ROR1: variants seen among roughly 807,000 people sequenced by gnomAD.
ROR1 encodes the protein inactive tyrosine-protein kinase transmembrane receptor ROR1.
Under a neutral mutation model 78.8 loss-of-function variants are expected in ROR1, and 19 were observed. The ratio of observed to expected loss-of-function variants is 0.24; its 90% CI spans 0.17 to 0.35. The LOEUF is 0.35. Among genes scored for constraint, ROR1 ranks in the 10% least tolerant of loss-of-function variants. ROR1 has a pLI of 1.00. For synonymous variants in ROR1, 386 were observed against 433.6 expected (o/e 0.89, Z 1.36); for missense variants, 917 against 1,177.8 (o/e 0.78, Z 3.24).
At chr1:63,876,907 GA>G (rs75588078) in intron 1 of ROR1, among the ~76,000 whole-genome samples, 9,021 of 151,126 alleles carry the variant, frequency 0.06, 677 homozygotes, top group African/African-American at 0.17. Context: ...TGAGTTGCCA[GA>G]AAAAAAATAA....
intron 1 of ROR1, among the ~76,000 whole-genome samples, chr1:63,848,584 C>G (rs927562387): frequency 2.6e-5 from 4 of 152,190 alleles, no homozygotes; most frequent in Middle Eastern, 3.4e-3. Flanking sequence ...GTGGTACTTT[C>G]TAAAATTATT....
At chr1:64,115,523 C>T (rs1399257320) in intron 4 of ROR1, among the ~76,000 whole-genome samples, 1 of 151,738 alleles carries the variant, frequency 6.6e-6, no homozygotes, top group Non-Finnish European at 1.5e-5. Flanking sequence ...CTTATATATG[C>T]CTCAGTTTAC....
At chr1:63,823,720 T>C (rs1043267470) in intron 1 of ROR1, among the ~76,000 whole-genome samples, 1 of 152,120 alleles carries the variant, frequency 6.6e-6, no homozygotes, top group Non-Finnish European at 1.5e-5. Context: ...CCCAAAGTGT[T>C]GGAATTACAG....
At chr1:63,970,761 C>T (rs1281808289) in intron 1 of ROR1, among the ~76,000 whole-genome samples, 3 of 152,200 alleles carry the variant, frequency 2.0e-5, no homozygotes, top group African/African-American at 4.8e-5. Context: ...CTCCCAACAA[C>T]GCTATGAGCA....
chr1:63,915,267 A>T (rs1645600372), intron 1 of ROR1, among the ~76,000 whole-genome samples: 1 of 152,082 alleles, frequency 6.6e-6, no homozygotes, highest in Non-Finnish European at 1.5e-5. Context: ...CGTGAGGGAG[A>T]CCTGGTCTTT....
intron 4 of ROR1, among the ~76,000 whole-genome samples, chr1:64,088,167 G>A (rs1325258174): frequency 1.3e-5 from 2 of 152,102 alleles, no homozygotes; most frequent in Non-Finnish European, 2.9e-5. Flanking sequence ...ACCAATTATT[G>A]CTTTTCAGTA....
chr1:64,054,150 C>T (rs1445684342), intron 4 of ROR1, among the ~76,000 whole-genome samples: 1 of 152,156 alleles, frequency 6.6e-6, no homozygotes, highest in Non-Finnish European at 1.5e-5. Context: ...GATGGGGTTT[C>T]TCCATGTTGG....
At chr1:64,059,929 C>G (rs1646904040) in intron 4 of ROR1, among the ~76,000 whole-genome samples, 1 of 152,072 alleles carries the variant, frequency 6.6e-6, no homozygotes. Flanking sequence ...ACGGTTACCA[C>G]AGAACTTGAG....
At chr1:63,969,879 G>C (rs1005566735) in intron 1 of ROR1, among the ~76,000 whole-genome samples, 4 of 151,992 alleles carry the variant, frequency 2.6e-5, no homozygotes, top group Admixed American at 2.0e-4. Context: ...CTCCTGCCTG[G>C]CTGCCCACTG....
chr1:63,851,176 C>T (rs910023221), intron 1 of ROR1, among the ~76,000 whole-genome samples: 1 of 152,142 alleles, frequency 6.6e-6, no homozygotes, highest in African/African-American at 2.4e-5. Flanking sequence ...GACGGGGTTT[C>T]ACCATGTTGG....
intron 1 of ROR1, among the ~76,000 whole-genome samples, chr1:63,972,955 C>T (rs1260717792): frequency 6.6e-6 from 1 of 152,212 alleles, no homozygotes; most frequent in African/African-American, 2.4e-5. Context: ...CACTAACCTC[C>T]TTGAAATGCT....
intron 4 of ROR1, among the ~76,000 whole-genome samples, chr1:64,083,190 T>C (rs1647118167): frequency 6.6e-6 from 1 of 152,128 alleles, no homozygotes; most frequent in African/African-American, 2.4e-5. Context: ...GGGAAGTTAT[T>C]GAAAAAGTAG....
At chr1:63,802,994 A>G (rs1305074555) in intron 1 of ROR1, among the ~76,000 whole-genome samples, 1 of 152,210 alleles carries the variant, frequency 6.6e-6, no homozygotes, top group Non-Finnish European at 1.5e-5. Context: ...TCTTCTTGTG[A>G]TATTTTGCAC....
At chr1:64,051,185 C>T (rs895572170) in intron 4 of ROR1, among the ~76,000 whole-genome samples, 1 of 152,108 alleles carries the variant, frequency 6.6e-6, no homozygotes, top group African/African-American at 2.4e-5. Flanking sequence ...GGCGCGGTGG[C>T]TCATGCCTGT....
chr1:64,009,415 G>T (rs770589523), intron 2 of ROR1, 39 bp downstream of exon 2: 2 of 1,476,026 alleles, frequency 1.4e-6, no homozygotes, highest in African/African-American at 1.4e-5. Context: ...GAGGAAAGAG[G>T]TGTGGAACTG....
intron 2 of ROR1, among the ~76,000 whole-genome samples, chr1:64,016,474 A>G (rs1646521321): frequency 6.6e-6 from 1 of 152,164 alleles, no homozygotes; most frequent in Non-Finnish European, 1.5e-5. Flanking sequence ...GCTAGCAGAC[A>G]GTTTAAAATT....
At chr1:64,169,263 A>G (rs1262779931) in intron 8 of ROR1, among the ~76,000 whole-genome samples, 1 of 152,222 alleles carries the variant, frequency 6.6e-6, no homozygotes, top group Non-Finnish European at 1.5e-5. Flanking sequence ...TGATAAAGAC[A>G]TACCTGAGAA....
intron 4 of ROR1, among the ~76,000 whole-genome samples, chr1:64,062,731 T>A (rs1045851430): frequency 6.6e-6 from 1 of 152,318 alleles, no homozygotes; most frequent in Non-Finnish European, 1.5e-5. Context: ...CATTATTGAT[T>A]CATCACGTCT....
At chr1:64,104,838 C>T (rs1228440486) in intron 4 of ROR1, among the ~76,000 whole-genome samples, 1 of 152,192 alleles carries the variant, frequency 6.6e-6, no homozygotes, top group African/African-American at 2.4e-5. Flanking sequence ...ATATGTACCA[C>T]ATTTTCTTTA....
Sources: allele counts gnomAD v4.1 joint callset (sites outside exome capture counted in the v4.1 genomes callset), GRCh38; gene constraint gnomAD v4.1.1; transcripts MANE v1.5; gene names NCBI Gene and HGNC (gene_info 2026-07-23, HGNC 2026-07-21).